MAST2: variants seen among roughly 807,000 people sequenced by gnomAD.
MAST2 encodes microtubule-associated serine/threonine-protein kinase 2.
A neutral mutation model predicts 147.4 loss-of-function variants in MAST2; 70 were observed. That is an observed-to-expected ratio of 0.47 (90% CI 0.39 to 0.58). The LOEUF is 0.58. MAST2 is among the 20% of genes least tolerant of loss of function. The probability of loss-of-function intolerance (pLI) is 0.00; values close to 1 mark genes in which losing one functional copy is unlikely to be tolerated. For missense variants in MAST2, 2,080 were observed against 2,302.3 expected, an observed-to-expected ratio of 0.90 and a Z score of 1.98; for synonymous variants, 869 against 896.8, an observed-to-expected ratio of 0.97 and a Z score of 0.55.
intron 5 of MAST2, among the ~76,000 whole-genome samples, chr1:45,990,167 GC>G (rs1434255988): frequency 6.6e-6 from 1 of 152,196 alleles, no homozygotes; most frequent in African/African-American, 2.4e-5. Context: ...TTCCAAAGTG[GC>G]TGTACCATTT....
chr1:45,894,674 C>T (rs1169602020), intron 4 of MAST2, among the ~76,000 whole-genome samples: 1 of 152,194 alleles, frequency 6.6e-6, no homozygotes, highest in African/African-American at 2.4e-5. Context: ...GCTTTTCAGA[C>T]TCAGGTATTA....
chr1:45,974,078 A>C (rs1644036286), intron 5 of MAST2, among the ~76,000 whole-genome samples: 1 of 152,242 alleles, frequency 6.6e-6, no homozygotes, highest in African/African-American at 2.4e-5. Context: ...ACACTGATGG[A>C]AGTGATTCAA....
At chr1:46,006,416 C>T in intron 8 of MAST2, 21 bp downstream of exon 8, 1 of 1,606,864 alleles carries the variant, frequency 6.2e-7, no homozygotes, top group Non-Finnish European at 8.5e-7. Flanking sequence ...TCTCTGCCCA[C>T]TGTTCCAGTG....
chr1:45,946,065 G>A (rs1010110940), intron 4 of MAST2, among the ~76,000 whole-genome samples: 2 of 152,138 alleles, frequency 1.3e-5, no homozygotes, highest in African/African-American at 4.8e-5. Flanking sequence ...TAATTCTCCA[G>A]TCTCTCCCAT....
chr1:45,980,992 TGGCC>T (rs1412236424), intron 5 of MAST2, among the ~76,000 whole-genome samples: 1 of 152,200 alleles, frequency 6.6e-6, no homozygotes, highest in Non-Finnish European at 1.5e-5. Flanking sequence ...TACGCAGAGC[TGGCC>T]AAACAGGAGA....
chr1:45,997,910 C>A, intron 6 of MAST2, 111 bp downstream of exon 6: 1 of 869,620 alleles, frequency 1.1e-6, no homozygotes, highest in South Asian at 1.4e-5. Flanking sequence ...AGTGTATTAC[C>A]TGAAGCTCCC....
intron 1 of MAST2, among the ~76,000 whole-genome samples, chr1:45,807,544 A>ATT (rs759534881): frequency 7.1e-6 from 1 of 140,782 alleles, no homozygotes. Context: ...AACATTTGTG[A>ATT]TTTTTTTTTT....
chr1:45,883,184 C>G (rs796168369), intron 4 of MAST2, among the ~76,000 whole-genome samples: 4 of 152,138 alleles, frequency 2.6e-5, no homozygotes, highest in Non-Finnish European at 5.9e-5. Context: ...GGCTTTTAAA[C>G]TTTTCCTTAA....
At chr1:46,030,960 G>A in intron 22 of MAST2, 47 bp from the exon 23 acceptor site, 1 of 1,589,894 alleles carries the variant, frequency 6.3e-7, no homozygotes, top group Non-Finnish European at 8.6e-7. Context: ...CCTGGCAGGA[G>A]GAGGGGGACC....
At chr1:45,974,163 T>C (rs1009984834) in intron 5 of MAST2, among the ~76,000 whole-genome samples, 18 of 152,088 alleles carry the variant, frequency 1.2e-4, no homozygotes, top group Non-Finnish European at 1.8e-4. Flanking sequence ...TGAGAGGGGA[T>C]GGGATCTAGT....
chr1:46,026,808 TTGACATAA>T (rs1443623635), intron 16 of MAST2, among the ~76,000 whole-genome samples: 1 of 152,162 alleles, frequency 6.6e-6, no homozygotes, highest in African/African-American at 2.4e-5. Context: ...GAAAGTGGCT[TTGACATAA>T]GACAGACCTG....
At chr1:45,922,146 G>A (rs1193034149) in intron 4 of MAST2, among the ~76,000 whole-genome samples, 1 of 152,164 alleles carries the variant, frequency 6.6e-6, no homozygotes, top group Non-Finnish European at 1.5e-5. Flanking sequence ...CCCAAGCCTG[G>A]CTGAGTCCAG....
intron 4 of MAST2, among the ~76,000 whole-genome samples, chr1:45,915,429 G>A (rs930327451): frequency 6.6e-6 from 1 of 152,142 alleles, no homozygotes; most frequent in African/African-American, 2.4e-5. Flanking sequence ...GAAATTTGCC[G>A]GCCAGGCGCG....
chr1:45,830,058 T>G (rs1644906769), intron 3 of MAST2, among the ~76,000 whole-genome samples: 1 of 151,778 alleles, frequency 6.6e-6, no homozygotes, highest in South Asian at 2.1e-4. Flanking sequence ...GGTTTCACTG[T>G]GTTGGCTAGG....
At chr1:45,949,823 G>A (rs1658663055) in intron 4 of MAST2, among the ~76,000 whole-genome samples, 1 of 152,166 alleles carries the variant, frequency 6.6e-6, no homozygotes, top group Non-Finnish European at 1.5e-5. Flanking sequence ...CAACCTAAAT[G>A]CCCATTAATG....
rs1390714261 is a variant in MAST2, at chr1:45,831,691, A to G, written c.468+2110A>G. On this transcript the variant is annotated intron_variant, in intron 3 of 28. Transcript: ENST00000361297. ...TTTCAAAGCAAGTCACAGACTAATT[A>G]CGATACCTCATCCTTAAGTATTTCT... 2.0e-5 allele frequency among the ~76,000 whole-genome samples: 3 copies of G among 152,238 alleles called. No homozygotes were observed. In the East Asian group the frequency reaches 5.8e-4, roughly 29 times the overall value.
At chr1:45,998,426 C>T (rs1477149313) in intron 6 of MAST2, among the ~76,000 whole-genome samples, 3 of 152,370 alleles carry the variant, frequency 2.0e-5, no homozygotes, top group East Asian at 3.9e-4. Flanking sequence ...ATGGCAGCAA[C>T]GCTGACAGCT....
At chr1:45,842,508 A>C (rs974537322) in intron 3 of MAST2, among the ~76,000 whole-genome samples, 1 of 152,064 alleles carries the variant, frequency 6.6e-6, no homozygotes. Context: ...TTTTGTCTCT[A>C]TGGATTTCTC....
At chr1:45,864,512 A>G (rs1221174283) in intron 3 of MAST2, among the ~76,000 whole-genome samples, 2 of 152,230 alleles carry the variant, frequency 1.3e-5, no homozygotes, top group African/African-American at 4.8e-5. Context: ...TGTACAAAGG[A>G]TGAAAGGAAT....
Sources: allele counts gnomAD v4.1 joint callset (sites outside exome capture counted in the v4.1 genomes callset), GRCh38; gene constraint gnomAD v4.1.1; transcripts MANE v1.5; gene names NCBI Gene and HGNC (gene_info 2026-07-23, HGNC 2026-07-21).